Variants in C11orf65 observed in about 807,000 individuals in gnomAD.
The protein encoded by C11orf65 is chromosome 11 open reading frame 65, also known as protein MFI.
Under a neutral mutation model 35.3 loss-of-function variants are expected in C11orf65, and 38 were observed. That is an observed-to-expected ratio of 1.08 (90% confidence interval 0.83 to 1.41). The LOEUF (loss-of-function observed/expected upper bound fraction) is 1.41. Ranked by LOEUF, C11orf65 falls within the 40% of genes most tolerant of loss-of-function variation. The probability of loss-of-function intolerance (pLI) is 0.00; values close to 1 mark genes in which losing one functional copy is unlikely to be tolerated. For missense variants in C11orf65, 370 were observed against 367.1 expected (o/e 1.01, Z -0.06); for synonymous variants, 105 against 114.4 (o/e 0.92, Z 0.53).
intron 1 of C11orf65, 68 bp from the exon 2 acceptor site, chr11:108,461,636 A>T (rs1014690534): frequency 8.3e-6 from 9 of 1,084,652 alleles, no homozygotes; most frequent in South Asian, 7.6e-5. Context: ...TTATTTATTT[A>T]TTTTTTTTAG....
intron 2 of C11orf65, among the ~76,000 whole-genome samples, chr11:108,362,998 A>T (rs1417119407): frequency 2.0e-5 from 3 of 152,082 alleles, no homozygotes; most frequent in Non-Finnish European, 4.4e-5. Flanking sequence ...AACAAAAAAA[A>T]CACACCCTCC....
intron 1 of C11orf65, among the ~76,000 whole-genome samples, chr11:108,464,393 T>C (rs1478426405): frequency 6.6e-6 from 1 of 151,718 alleles, no homozygotes; most frequent in Non-Finnish European, 1.5e-5. Flanking sequence ...GCCTCCTGGG[T>C]TCAAGCGATT....
At chr11:108,338,151 C>A (rs1042802423) in intron 2 of C11orf65, among the ~76,000 whole-genome samples, 3 of 152,204 alleles carry the variant, frequency 2.0e-5, no homozygotes, top group African/African-American at 7.2e-5. Context: ...GAGTTTGAGA[C>A]CAGCCTGGCC....
chr11:108,437,943 A>G (rs2093089739), intron 2 of C11orf65, among the ~76,000 whole-genome samples: 1 of 152,114 alleles, frequency 6.6e-6, no homozygotes, highest in Non-Finnish European at 1.5e-5. Context: ...AACAGTCTTG[A>G]AAAAGAATAA....
intron 2 of C11orf65, among the ~76,000 whole-genome samples, chr11:108,445,789 T>G (rs1489226759): frequency 6.6e-6 from 1 of 152,056 alleles, no homozygotes; most frequent in African/African-American, 2.4e-5. Context: ...TTTGACGAGC[T>G]GAGAGAAGAA....
chr11:108,449,792 T>C (rs2093320972), intron 2 of C11orf65, among the ~76,000 whole-genome samples: 1 of 151,986 alleles, frequency 6.6e-6, no homozygotes, highest in Admixed American at 6.5e-5. Context: ...AAATGGGATC[T>C]AATTAAACTT....
chr11:108,361,467 CA>C (rs1718645827), intron 2 of C11orf65, among the ~76,000 whole-genome samples: 1 of 151,606 alleles, frequency 6.6e-6, no homozygotes, highest in South Asian at 2.1e-4. Context: ...CATATGGAAC[CA>C]AAAAAGAGCC....
rs2093047894 is a variant in C11orf65, at chr11:108,435,487, G to A, written c.82-3649C>T. Among the ~76,000 whole-genome samples the A allele has an allele frequency of 2.0e-5, 3 of 152,060 alleles. No individual in the cohort carries two copies. In the South Asian group the frequency reaches 6.2e-4, roughly 32 times the overall value. On this transcript the variant is annotated intron_variant, in intron 2 of 8. Transcript: ENST00000393084. ...ACCATATTCTGTAAGAAAAGTTAAT[G>A]GAAAATTATAACAACCCCAAACAGG...
intron 3 of C11orf65, among the ~76,000 whole-genome samples, chr11:108,409,290 CT>C: frequency 6.6e-6 from 1 of 152,196 alleles, no homozygotes; most frequent in East Asian, 1.9e-4. Context: ...ATGAATAAAA[CT>C]ACTCATTCTG....
At chr11:108,400,743 C>A (rs937760099) in intron 6 of C11orf65, among the ~76,000 whole-genome samples, 8 of 152,140 alleles carry the variant, frequency 5.3e-5, no homozygotes, top group African/African-American at 9.7e-5. Context: ...GGAACCAGTT[C>A]CATCACAGCT....
At chr11:108,445,522 G>C (rs887264434) in intron 2 of C11orf65, among the ~76,000 whole-genome samples, 45 of 152,132 alleles carry the variant, frequency 3.0e-4, no homozygotes, top group Non-Finnish European at 4.9e-4. Context: ...GGTCTGGAGT[G>C]GACCTCTAGC....
intron 6 of C11orf65, among the ~76,000 whole-genome samples, chr11:108,400,344 GT>G (rs1411762960): frequency 6.6e-6 from 1 of 152,032 alleles, no homozygotes; most frequent in Non-Finnish European, 1.5e-5. Flanking sequence ...TCCTTTTAGT[GT>G]GCATTTATCC....
chr11:108,424,458 T>C (rs1219528345), intron 3 of C11orf65, among the ~76,000 whole-genome samples: 1 of 152,056 alleles, frequency 6.6e-6, no homozygotes, highest in Non-Finnish European at 1.5e-5. Context: ...ATGGGGAGAA[T>C]GGAACCAAGT....
At chr11:108,345,923 C>T in intron 2 of C11orf65, 1 of 1,612,972 alleles carries the variant, frequency 6.2e-7, no homozygotes, top group Non-Finnish European at 8.5e-7. Context: ...TCTTCTTGTA[C>T]ATATAGTAGA....
At chr11:108,350,142 T>G (rs983307849) in intron 2 of C11orf65, among the ~76,000 whole-genome samples, 2 of 152,004 alleles carry the variant, frequency 1.3e-5, no homozygotes, top group Non-Finnish European at 2.9e-5. Context: ...TGCCAAGCAG[T>G]TTAAGGGGCA....
At chr11:108,348,394 G>A (rs564553371) in intron 2 of C11orf65, among the ~76,000 whole-genome samples, 7 of 141,910 alleles carry the variant, frequency 4.9e-5, no homozygotes, top group Admixed American at 2.8e-4. Flanking sequence ...GAAAGAATAT[G>A]TAGCTTCTAT....
chr11:108,369,896 A>G (rs116886203), intron 2 of C11orf65, among the ~76,000 whole-genome samples: 4,758 of 151,396 alleles, frequency 0.031, 123 homozygotes, highest in Non-Finnish European at 0.051. Flanking sequence ...CTTGTTAGTC[A>G]GTATGATTTT....
At chr11:108,368,794 A>C (rs1228934862) in intron 2 of C11orf65, 1 of 209,042 alleles carries the variant, frequency 4.8e-6, no homozygotes, top group African/African-American at 2.3e-5. Flanking sequence ...GTAGGTTCAC[A>C]AACTCTTGGT....
intron 2 of C11orf65, among the ~76,000 whole-genome samples, chr11:108,374,601 C>T (rs947812501): frequency 1.3e-5 from 2 of 152,220 alleles, no homozygotes; most frequent in African/African-American, 4.8e-5. Context: ...CAAAGGAACG[C>T]AGTTCCTTAC....
Sources: allele counts gnomAD v4.1 joint callset (sites outside exome capture counted in the v4.1 genomes callset), GRCh38; gene constraint gnomAD v4.1.1; transcripts MANE v1.5; gene names NCBI Gene and HGNC (gene_info 2026-07-23, HGNC 2026-07-21).